Variants in ABI1 observed in about 807,000 individuals in gnomAD.
ABI1 encodes the protein abl interactor 1.
A neutral mutation model predicts 54.6 loss-of-function variants in ABI1; 14 were observed. The ratio of observed to expected loss-of-function variants is 0.26; its 90% CI spans 0.17 to 0.40. The LOEUF is 0.40. Among genes scored for constraint, ABI1 ranks in the 10% least tolerant of loss-of-function variants. The probability of loss-of-function intolerance (pLI) is 1.00; values close to 1 mark genes in which losing one functional copy is unlikely to be tolerated. For synonymous variants in ABI1, 194 were observed against 209.3 expected (o/e 0.93, Z 0.63); for missense variants, 443 against 598.3 (o/e 0.74, Z 2.71).
intron 4 of ABI1, chr10:26,770,661 G>T (rs1466531188): frequency 6.9e-6 from 4 of 577,544 alleles, no homozygotes; most frequent in Non-Finnish European, 1.3e-5. Context: ...TAAAATTTTT[G>T]AAATGTGTGC....
Position 26,848,735 on chromosome 10 carries a change from A to T in ABI1, c.117+12012T>A, listed in dbSNP as rs1207806665. 7.3e-5 allele frequency among the ~76,000 whole-genome samples: 11 copies of T among 151,604 alleles called. No individual in the cohort carries two copies. The East Asian group carries it at 1.9e-3, about 27-fold the overall frequency. The stretch of plus-strand genomic sequence containing the variant: ...GTGATTCTCCTGCCTCAGTCTCCCA[A>T]GTAGCTGGGATTACAGGCATGTGCC... On this transcript the variant is annotated intron_variant, in intron 1 of 10. Coordinates refer to ENST00000376140, the MANE Select transcript of ABI1 (RefSeq NM_001012750.3).
At chr10:26,773,604 CT>C (rs1370546293) in intron 3 of ABI1, among the ~76,000 whole-genome samples, 1 of 152,016 alleles carries the variant, frequency 6.6e-6, no homozygotes. Flanking sequence ...GCTTTAGTTT[CT>C]ACACTGTTTT....
At chr10:26,848,901 G>A (rs1014750357) in intron 1 of ABI1, among the ~76,000 whole-genome samples, 8 of 152,114 alleles carry the variant, frequency 5.3e-5, no homozygotes, top group Non-Finnish European at 8.8e-5. Flanking sequence ...GAGCCACCAC[G>A]CCCGGCCAAG....
chr10:26,791,934 G>A (rs1490095301), intron 2 of ABI1, among the ~76,000 whole-genome samples: 2 of 152,062 alleles, frequency 1.3e-5, no homozygotes, highest in East Asian at 3.9e-4. Context: ...AACTACTAAT[G>A]AATGAACTAT....
chr10:26,858,454 C>CTT (rs375525589), intron 1 of ABI1, among the ~76,000 whole-genome samples: 7 of 118,144 alleles, frequency 5.9e-5, no homozygotes, highest in Non-Finnish European at 8.6e-5. Flanking sequence ...TGCGTGAATT[C>CTT]TTTTTTTTTT....
At chr10:26,837,399 C>T (rs2049156315) in intron 1 of ABI1, among the ~76,000 whole-genome samples, 2 of 151,374 alleles carry the variant, frequency 1.3e-5, no homozygotes, top group Admixed American at 1.3e-4. Context: ...CCTCATTTAA[C>T]CATATTCACC....
chr10:26,756,284 T>C (rs913107016), intron 8 of ABI1, among the ~76,000 whole-genome samples: 3 of 152,176 alleles, frequency 2.0e-5, no homozygotes, highest in Non-Finnish European at 4.4e-5. Context: ...ACAGTTCTTA[T>C]TATATATCTA....
intron 2 of ABI1, among the ~76,000 whole-genome samples, chr10:26,798,859 C>A (rs2046366375): frequency 6.6e-6 from 1 of 151,454 alleles, no homozygotes; most frequent in Non-Finnish European, 1.5e-5. Flanking sequence ...CACATGAGAT[C>A]TTAAAATAAG....
chr10:26,768,311 C>T (rs1233373028), intron 6 of ABI1, among the ~76,000 whole-genome samples: 2 of 151,508 alleles, frequency 1.3e-5, no homozygotes, highest in East Asian at 3.9e-4. Flanking sequence ...TTTGGGAGGC[C>T]GAGGCAGGAG....
At chr10:26,764,889 T>C (rs370552156) in intron 7 of ABI1, among the ~76,000 whole-genome samples, 20 of 152,328 alleles carry the variant, frequency 1.3e-4, no homozygotes, top group African/African-American at 4.8e-4. Context: ...TGAGCATCCA[T>C]GCATTTTGGT....
chr10:26,815,300 G>C (rs1385374717), intron 2 of ABI1, among the ~76,000 whole-genome samples: 1 of 151,942 alleles, frequency 6.6e-6, no homozygotes, highest in African/African-American at 2.4e-5. Context: ...AATTACAAAA[G>C]CTTCATTTAC....
chr10:26,844,864 T>C (rs2049855292), intron 1 of ABI1, among the ~76,000 whole-genome samples: 1 of 152,218 alleles, frequency 6.6e-6, no homozygotes, highest in Non-Finnish European at 1.5e-5. Context: ...ACTACAGCTA[T>C]CTCAATTCAT....
At chr10:26,824,449 C>T (rs1227137906) in intron 1 of ABI1, among the ~76,000 whole-genome samples, 1 of 152,112 alleles carries the variant, frequency 6.6e-6, no homozygotes. Context: ...TCTATAATAG[C>T]AGAAGACTGG....
At chr10:26,834,208 C>T (rs996707878) in intron 1 of ABI1, among the ~76,000 whole-genome samples, 9 of 151,810 alleles carry the variant, frequency 5.9e-5, no homozygotes, top group Non-Finnish European at 1.0e-4. Context: ...CCAGCCTGGG[C>T]GACAGAGCGA....
chr10:26,802,389 T>C (rs568060206), intron 2 of ABI1, among the ~76,000 whole-genome samples: 1 of 152,140 alleles, frequency 6.6e-6, no homozygotes, highest in South Asian at 2.1e-4. Context: ...CTATCTAAAG[T>C]GGGTAGAGTG....
At chr10:26,752,890 A>C (rs551120217) in intron 9 of ABI1, among the ~76,000 whole-genome samples, 1 of 152,276 alleles carries the variant, frequency 6.6e-6, no homozygotes, top group East Asian at 1.9e-4. Flanking sequence ...GACATATGAA[A>C]ATGTTTTCAT....
chr10:26,763,593 AG>A (rs1190309873), intron 7 of ABI1, among the ~76,000 whole-genome samples: 1 of 149,674 alleles, frequency 6.7e-6, no homozygotes, highest in Non-Finnish European at 1.5e-5. Flanking sequence ...TGTGCGGGGC[AG>A]GGGGGATTAG....
intron 1 of ABI1, among the ~76,000 whole-genome samples, chr10:26,830,848 T>G (rs1348347363): frequency 6.6e-6 from 1 of 152,218 alleles, no homozygotes; most frequent in Non-Finnish European, 1.5e-5. Context: ...TGTTTTCAAG[T>G]GCTTGTGCAG....
At chr10:26,779,758 T>C (rs1436879944) in intron 2 of ABI1, among the ~76,000 whole-genome samples, 1 of 152,148 alleles carries the variant, frequency 6.6e-6, no homozygotes, top group Non-Finnish European at 1.5e-5. Context: ...TCAAGATAAC[T>C]GGAAAGGGCC....
Sources: allele counts gnomAD v4.1 joint callset (sites outside exome capture counted in the v4.1 genomes callset), GRCh38; gene constraint gnomAD v4.1.1; transcripts MANE v1.5; gene names NCBI Gene and HGNC (gene_info 2026-07-23, HGNC 2026-07-21).